METAP2: variants seen among roughly 807,000 people sequenced by gnomAD.
The protein encoded by METAP2 is methionyl aminopeptidase 2, also known as methionine aminopeptidase 2.
METAP2 carries 25 observed loss-of-function variants against 59.4 expected under a neutral mutation model. That is an observed-to-expected ratio of 0.42 (90% CI 0.31 to 0.59). The LOEUF is 0.59. Among genes scored for constraint, METAP2 ranks in the 20% least tolerant of loss-of-function variants. METAP2 has a pLI of 0.16. For synonymous variants in METAP2, 214 were observed against 194.1 expected, an observed-to-expected ratio of 1.10 and a Z score of -0.85; for missense variants, 366 against 581.2, an observed-to-expected ratio of 0.63 and a Z score of 3.81.
chr12:95,483,852 T>C (rs1188333082), intron 3 of METAP2, among the ~76,000 whole-genome samples: 1 of 152,212 alleles, frequency 6.6e-6, no homozygotes. Flanking sequence ...TTTTAAATTA[T>C]GAGATTCTTG....
Position 95,500,896 on chromosome 12 carries a change from G to T in METAP2, c.868-3169G>T, listed in dbSNP as rs117852574. 7.9e-5 allele frequency among the ~76,000 whole-genome samples: 12 copies of T among 151,974 alleles called. No homozygotes were observed. The East Asian group carries it at 2.3e-3, about 29-fold the overall frequency. ...AATGCTGGTTTCATGTAATGACTTA[G>T]AAAGTATTCTCTTGAGGTTTTTAGA... On this transcript the variant is annotated intron_variant, in intron 7 of 10. Coordinates refer to ENST00000323666, the MANE Select transcript of METAP2 (RefSeq NM_006838.4).
chr12:95,502,266 A>G (rs2076322132), intron 7 of METAP2, among the ~76,000 whole-genome samples: 3 of 152,126 alleles, frequency 2.0e-5, no homozygotes, highest in Non-Finnish European at 2.9e-5. Context: ...TTGGCCTTCC[A>G]GCATGCTGGG....
intron 4 of METAP2, among the ~76,000 whole-genome samples, chr12:95,487,193 C>T (rs1333067837): frequency 6.6e-6 from 1 of 152,168 alleles, no homozygotes; most frequent in Admixed American, 6.5e-5. Flanking sequence ...ATTTATAATA[C>T]CATGGACATT....
At chr12:95,480,975 T>G (rs893429506) in intron 2 of METAP2, among the ~76,000 whole-genome samples, 10 of 152,264 alleles carry the variant, frequency 6.6e-5, no homozygotes, top group African/African-American at 2.4e-4. Context: ...TTATATATTT[T>G]TAGCTGTTAT....
At chr12:95,486,425 G>A (rs1464056738) in intron 4 of METAP2, among the ~76,000 whole-genome samples, 1 of 150,954 alleles carries the variant, frequency 6.6e-6, no homozygotes, top group Non-Finnish European at 1.5e-5. Flanking sequence ...TTTGACAGAA[G>A]TATTTTTTGA....
chr12:95,500,433 G>A (rs991795652), intron 7 of METAP2, among the ~76,000 whole-genome samples: 5 of 152,050 alleles, frequency 3.3e-5, no homozygotes, highest in Non-Finnish European at 5.9e-5. Flanking sequence ...GAGTAAAAAC[G>A]GCAAAAGTGG....
Position 95,483,200 on chromosome 12 carries a change from A to G in METAP2, c.260-15A>G. The G allele has an allele frequency of 6.2e-7, 1 of 1,603,368 alleles. No homozygotes were observed. Among genetic ancestry groups the G allele is most frequent in the Non-Finnish European group, 8.5e-7 (1 of 1,170,192 alleles). On this transcript the variant is annotated splice_polypyrimidine_tract_variant and intron_variant, in intron 2 of 10. Transcript: ENST00000323666. The stretch of plus-strand genomic sequence containing the variant: ...GAGGTTTAAATGAACATGTACTTGA[A>G]ATGTCTTTTCTTAGATGGAGATGGC...
At chr12:95,490,598 G>T in intron 4 of METAP2, among the ~76,000 whole-genome samples, 2 of 129,030 alleles carry the variant, frequency 1.6e-5, no homozygotes, top group African/African-American at 3.0e-5. Context: ...GAGATGGGGT[G>T]TTGCTGTATT....
intron 5 of METAP2, 57 bp from the exon 6 acceptor site, chr12:95,494,900 A>T: frequency 7.1e-7 from 1 of 1,415,196 alleles, no homozygotes; most frequent in Non-Finnish European, 9.7e-7. Context: ...ATATGGTATT[A>T]ATATATAAAA....
At chr12:95,493,101 GA>G (rs2076251448) in intron 4 of METAP2, among the ~76,000 whole-genome samples, 1 of 152,014 alleles carries the variant, frequency 6.6e-6, no homozygotes, top group Non-Finnish European at 1.5e-5. Context: ...AAATTGTTTA[GA>G]TTTTTTTTTT....
intron 4 of METAP2, among the ~76,000 whole-genome samples, chr12:95,491,410 G>C (rs2076236933): frequency 6.6e-6 from 1 of 152,170 alleles, no homozygotes; most frequent in Admixed American, 6.5e-5. Context: ...ATCAACTATA[G>C]TTCCTTCTTA....
At chr12:95,487,760 G>A (rs2076208248) in intron 4 of METAP2, among the ~76,000 whole-genome samples, 1 of 152,046 alleles carries the variant, frequency 6.6e-6, no homozygotes, top group Non-Finnish European at 1.5e-5. Context: ...TGGAATCATA[G>A]GCACACTTTC....
intron 3 of METAP2, 59 bp downstream of exon 3, chr12:95,483,339 G>A (rs1423118694): frequency 2.9e-6 from 4 of 1,365,950 alleles, no homozygotes; most frequent in Non-Finnish European, 4.1e-6. Context: ...TGTCGGGTGT[G>A]GTGGCTCACA....
chr12:95,498,493 A>T (rs965468596), intron 7 of METAP2, among the ~76,000 whole-genome samples: 5 of 152,164 alleles, frequency 3.3e-5, no homozygotes, highest in African/African-American at 9.7e-5. Flanking sequence ...TGTCATATCC[A>T]GTAAATCATT....
At chr12:95,509,758 A>G (rs535212831) in intron 8 of METAP2, among the ~76,000 whole-genome samples, 136 of 151,998 alleles carry the variant, frequency 8.9e-4, no homozygotes, top group African/African-American at 3.1e-3. Context: ...ATTGCTTCAG[A>G]CTACTTAACT....
At position 95,478,260 on chromosome 12, in the gene METAP2, CAG is replaced by C. The variant is rs200075032; in HGVS notation, c.259+2085_259+2086del. On this transcript the variant is annotated intron_variant, in intron 2 of 10. Transcript: ENST00000323666. Reference sequence around the variant, plus strand: ...GAATATTTGTAGTTATTTCAGTAATCAGAGTCAGTCAATACTACTTACCTGTT... The same window carrying C: ...GAATATTTGTAGTTATTTCAGTAATCAGTCAGTCAATACTACTTACCTGTT... Among the ~76,000 whole-genome samples the C allele has an allele frequency of 9.1e-3, 1,393 of 152,272 alleles. 27 individuals are homozygous for C. The highest frequency in any genetic ancestry group is 0.032 in the African/African-American group (1,334 of 41,556).
At chr12:95,493,945 T>G in intron 4 of METAP2, 111 bp from the exon 5 acceptor site, 1 of 818,890 alleles carries the variant, frequency 1.2e-6, no homozygotes, top group Non-Finnish European at 1.8e-6. Context: ...TGACATAAAC[T>G]GAATATGTAC....
At position 95,514,274 on chromosome 12, in the gene METAP2, A is replaced by G. The variant is rs1350018571; in HGVS notation, c.*370A>G. On this transcript the variant is annotated 3_prime_UTR_variant, in exon 11 of 11. Transcript: ENST00000323666. Reference sequence around the variant, plus strand: ...TGACTACATCCAGTTCTGCACCTATACCCTCTGGTGTTGCTTTTTAACCTT... The same window carrying G: ...TGACTACATCCAGTTCTGCACCTATGCCCTCTGGTGTTGCTTTTTAACCTT... 2 of 177,038 alleles carry G rather than the reference A, an allele frequency of 1.1e-5. No individual in the cohort carries two copies. Among genetic ancestry groups the G allele is most frequent in the Non-Finnish European group, 2.4e-5 (2 of 84,904 alleles). The allele number at this position is 177,038 out of a possible 1,614,324, so 11.0% of individuals were successfully genotyped here. A position where few individuals can be genotyped will look rare whatever the true frequency, so the allele number is the denominator to read the frequency against.
rs2076440118 is a variant in METAP2 at position 95,515,396 on chromosome 12, CT to C, written c.*1493del. The C allele has an allele frequency of 6.6e-6, 1 of 152,256 alleles. No homozygotes were observed. 9.4% of individuals were successfully genotyped at this position (152,256 alleles called of 1,614,324 possible). ...TGTGATGCTGTGGCTAGCAGCAGAGCTCGCCAGTTCATGCCTGGACATACTG... is the reference window on the plus strand; with the variant it reads ...TGTGATGCTGTGGCTAGCAGCAGAGCCGCCAGTTCATGCCTGGACATACTG... On this transcript the variant is annotated 3_prime_UTR_variant, in exon 11 of 11. Coordinates refer to ENST00000323666, the MANE Select transcript of METAP2 (RefSeq NM_006838.4).
Sources: allele counts gnomAD v4.1 joint callset (sites outside exome capture counted in the v4.1 genomes callset), GRCh38; gene constraint gnomAD v4.1.1; transcripts MANE v1.5; gene names NCBI Gene and HGNC (gene_info 2026-07-23, HGNC 2026-07-21).